The following PWWP3A variants were observed in gnomAD, a reference collection of about 807,000 sequenced individuals.
PWWP3A encodes the protein PWWP domain containing 3A, DNA repair factor, also known as PWWP domain-containing DNA repair factor 3A.
Under a neutral mutation model 79.0 loss-of-function variants are expected in PWWP3A, and 53 were observed. The observed-to-expected ratio is 0.67, with a 90% CI of 0.54 to 0.84. The LOEUF is 0.84. PWWP3A is among the 40% of genes least tolerant of loss of function. The pLI, the probability that PWWP3A is intolerant of heterozygous loss-of-function variation, is 0.00. For missense variants in PWWP3A, 973 were observed against 948.0 expected, an observed-to-expected ratio of 1.03 and a Z score of -0.35; for synonymous variants, 443 against 394.4, an observed-to-expected ratio of 1.12 and a Z score of -1.46.
In PWWP3A at chr19:1,360,948, G is replaced by T. The variant is rs747635453; in HGVS notation, c.1027G>T (p.Ala343Ser). The change falls in exon 5 of 14, where the codon GCC becomes TCC. Residue 343 changes from alanine to serine, a missense_variant. Ala to Ser is a moderately conservative substitution (Grantham distance 99). Transcript: ENST00000591337. The surrounding 1 kb of genome is among the most constrained non-coding windows in gnomAD (Gnocchi z 4.4). ...PRESVTPRST[A>S]RLGPPPSHAS... ...AGAGTCTGTGACCCCGCGCAGCACCGCCAGGCTGGGCCCGCCTCCCTCCCA... is the reference window on the plus strand; with the variant it reads ...AGAGTCTGTGACCCCGCGCAGCACCTCCAGGCTGGGCCCGCCTCCCTCCCA... The T allele has an allele frequency of 2.1e-5, 31 of 1,488,146 alleles. No homozygotes were observed. In the East Asian group the frequency reaches 7.3e-4, roughly 35 times the overall value. 92.2% of individuals were successfully genotyped at this position (1,488,146 alleles called of 1,614,324 possible). A position where few individuals can be genotyped will look rare whatever the true frequency, so the allele number is the denominator to read the frequency against.
Position 1,369,329 on chromosome 19 carries a change from G to A in PWWP3A, c.1487G>A (p.Arg496Lys). 6.2e-7 allele frequency: 1 copy of A among 1,613,832 alleles called. No homozygotes were observed. Among genetic ancestry groups the A allele is most frequent in the South Asian group, 1.1e-5 (1 of 91,056 alleles). ...GWCVSLITDY[R>K]VRLGCGSFAG... is the part of the protein sequence containing the mutation. ...TGTGTCTCCCTCATCACCGACTACA[G>A]GGTCCGGTTAGGTACGTGGGGTGCT... The change falls in exon 10 of 14, where the codon AGG becomes AAG. Residue 496 changes from arginine to lysine, a missense_variant. Physicochemically the swap from Arg to Lys is conservative, Grantham distance 26. Coordinates refer to ENST00000591337, the MANE Select transcript of PWWP3A (RefSeq NM_001369789.1). This position sits in a 1 kb window ranked among gnomAD's most constrained non-coding sequence, Gnocchi z 4.0.
intron 8 of PWWP3A, 81 bp from the exon 9 acceptor site, chr19:1,367,079 T>G (rs1181155407): frequency 8.5e-7 from 1 of 1,179,990 alleles, no homozygotes; most frequent in Non-Finnish European, 1.2e-6. Flanking sequence ...CCTCCACTGA[T>G]CTTAATCAGA....
In PWWP3A at chr19:1,369,107, C is replaced by T. The variant is rs1485830826; in HGVS notation, c.1423-158C>T. 2.2e-5 allele frequency: 14 copies of T among 640,158 alleles called. No individual in the cohort carries two copies. The highest frequency in any genetic ancestry group is 3.9e-4 in the Middle Eastern group (1 of 2,592). 39.7% of individuals were successfully genotyped at this position (640,158 alleles called of 1,614,324 possible). Reference sequence around the variant, plus strand: ...TTTACCAGAGGGTCCCTGTGCGAGGCGTCTGCCAGAGCCCCCTTTGTCAGG... The same window carrying T: ...TTTACCAGAGGGTCCCTGTGCGAGGTGTCTGCCAGAGCCCCCTTTGTCAGG... On this transcript the variant is annotated intron_variant, in intron 9 of 13. Transcript: ENST00000591337. The surrounding 1 kb of genome is among the most constrained non-coding windows in gnomAD (Gnocchi z 4.0).
chr19:1,363,112 G>A (rs1004593975), intron 6 of PWWP3A, among the ~76,000 whole-genome samples: 13 of 152,386 alleles, frequency 8.5e-5, no homozygotes, highest in Middle Eastern at 6.8e-3. Context: ...GGCAGCATCC[G>A]TAAGGCGCAG....
At chr19:1,365,291 C>T (rs1010553952) in intron 7 of PWWP3A, among the ~76,000 whole-genome samples, 36 of 152,214 alleles carry the variant, frequency 2.4e-4, no homozygotes, top group Admixed American at 1.9e-3. Flanking sequence ...GAGTTCAAGC[C>T]GGGGCAGATT....
Position 1,371,074 on chromosome 19 carries a change from C to A in PWWP3A, c.1982C>A (p.Pro661His). Residue 661 changes from proline (P) to histidine (H), a missense_variant, in exon 12 of 14, where the codon CCC becomes CAC. Pro to His is a moderately conservative substitution (Grantham distance 77, BLOSUM62 -2). Transcript: ENST00000591337. ...RIRFILDVLL[P>H]EAIICAISAV... Reference sequence around the variant, plus strand: ...CGGTTCATTCTGGACGTGCTTCTGCCCGAGGTGAGCCGCGGACCGGCGTGT... The same window carrying A: ...CGGTTCATTCTGGACGTGCTTCTGCACGAGGTGAGCCGCGGACCGGCGTGT... 6.4e-7 allele frequency: 1 copy of A among 1,559,202 alleles called. No individual in the cohort carries two copies. The highest frequency in any genetic ancestry group is 8.7e-7 in the Non-Finnish European group (1 of 1,151,136).
intron 3 of PWWP3A, 177 bp downstream of exon 3, chr19:1,357,271 G>A (rs2144689450): frequency 5.5e-6 from 3 of 546,438 alleles, no homozygotes; most frequent in Non-Finnish European, 9.7e-6. Flanking sequence ...TTGATTTTAT[G>A]TCAGTTTGGA....
At position 1,376,295 on chromosome 19, in the gene PWWP3A, G is replaced by GTTTTTTTTTTTTTTTTTT. The variant is rs754438911; in HGVS notation, c.2076-213_2076-212insTTTTTTTTTTTTTTTTTT. ...CATGCGCCACCACGCCCGGCTGTTT[G>GTTTTTTTTTTTTTTTTTT]TTTTTTTTTTTGTTTGTTTTTTTTT... On this transcript the variant is annotated intron_variant, in intron 13 of 13. Coordinates refer to ENST00000591337, the MANE Select transcript of PWWP3A (RefSeq NM_001369789.1). 8.7e-4 allele frequency among the ~76,000 whole-genome samples: 58 copies of GTTTTTTTTTTTTTTTTTT among 67,040 alleles called. 5 individuals are homozygous for GTTTTTTTTTTTTTTTTTT. Among genetic ancestry groups the GTTTTTTTTTTTTTTTTTT allele is most frequent in the Non-Finnish European group, 1.2e-3 (41 of 33,658 alleles). The allele number at this position is 67,040 out of a possible 152,430, so 44.0% of individuals were successfully genotyped here.
chr19:1,360,437 C>G lies in PWWP3A; in HGVS notation c.516C>G (p.Cys172Trp), dbSNP rs746625850. The G allele has an allele frequency of 3.1e-6, 5 of 1,614,152 alleles. No individual in the cohort carries two copies. In the Admixed American group the frequency reaches 8.3e-5, roughly 27 times the overall value. Residue 172 changes from cysteine (C) to tryptophan (W), a missense_variant, in exon 5 of 14, where the codon TGC becomes TGG. Transcript: ENST00000591337. The surrounding 1 kb of genome is among the most constrained non-coding windows in gnomAD (Gnocchi z 4.4). ...TCACTTGTGAAAAGGACCCCGAGTG[C>G]AAAGTGGACCACAAGAAGGGGCTCA... is the stretch of plus-strand genomic sequence containing the variant. ...SSFTCEKDPE[C>W]KVDHKKGLRK...
At position 1,356,327 on chromosome 19, in the gene PWWP3A, A is replaced by G. The variant is rs755368829; in HGVS notation, c.-66A>G. Reference sequence around the variant, plus strand: ...CACCGTGCAAATTTCGTTCCAGGACACATTGGCGTGAGACCTGGGAGTACG... The same window carrying G: ...CACCGTGCAAATTTCGTTCCAGGACGCATTGGCGTGAGACCTGGGAGTACG... On this transcript the variant is annotated 5_prime_UTR_variant, in exon 2 of 14. Coordinates refer to ENST00000591337, the MANE Select transcript of PWWP3A (RefSeq NM_001369789.1). 7.2e-6 allele frequency: 11 copies of G among 1,519,260 alleles called. No homozygotes were observed. The Admixed American group carries it at 1.5e-4, about 21-fold the overall frequency. The allele number at this position is 1,519,260 out of a possible 1,614,324, so 94.1% of individuals were successfully genotyped here. A position where few individuals can be genotyped will look rare whatever the true frequency, so the allele number is the denominator to read the frequency against.
At chr19:1,374,744 G>A (rs935999359) in intron 13 of PWWP3A, among the ~76,000 whole-genome samples, 15 of 151,948 alleles carry the variant, frequency 9.9e-5, no homozygotes, top group African/African-American at 3.4e-4. Flanking sequence ...ATACTCTTTC[G>A]TAAAAAATTA....
intron 3 of PWWP3A, chr19:1,358,189 G>GAA (rs77499352): frequency 2.7e-3 from 1,063 of 395,916 alleles, no homozygotes; most frequent in South Asian, 4.2e-3. Flanking sequence ...GTCTTAAAAG[G>GAA]AAAAAAAAAA....
Position 1,369,691 on chromosome 19 carries a change from C to T in PWWP3A, c.1549+45C>T, listed in dbSNP as rs1244716289. 6.2e-7 allele frequency: 1 copy of T among 1,601,422 alleles called. No individual in the cohort carries two copies. Among genetic ancestry groups the T allele is most frequent in the Non-Finnish European group, 8.6e-7 (1 of 1,168,360 alleles). Reference sequence around the variant, plus strand: ...TTGGAAAATGTGGTTTGCCTTTTAGCCCTTTAGAAAAACAATCTTCTATGT... The same window carrying T: ...TTGGAAAATGTGGTTTGCCTTTTAGTCCTTTAGAAAAACAATCTTCTATGT... On this transcript the variant is annotated intron_variant, in intron 11 of 13. Transcript: ENST00000591337. This position sits in a 1 kb window ranked among gnomAD's most constrained non-coding sequence, Gnocchi z 4.0.
rs1278190954 is a variant in PWWP3A at position 1,360,999 on chromosome 19, C to T, written c.1078C>T (p.Leu360Phe). The change falls in exon 5 of 14, where the codon CTT becomes TTT. Residue 360 changes from leucine to phenylalanine, a missense_variant. Coordinates refer to ENST00000591337, the MANE Select transcript of PWWP3A (RefSeq NM_001369789.1). This position sits in a 1 kb window ranked among gnomAD's most constrained non-coding sequence, Gnocchi z 4.4. The part of the protein sequence containing the change: ...SHASADATRC[L>F]PCPDSQKLEK... ...CGCCTCTGCGGATGCAACCAGATGT[C>T]TTCCTTGCCCGGATTCCCAGAAGCT... The T allele has an allele frequency of 1.4e-6, 2 of 1,435,368 alleles. No individual in the cohort carries two copies. The highest frequency in any genetic ancestry group is 3.0e-5 in the South Asian group (2 of 66,158). 88.9% of individuals were successfully genotyped at this position (1,435,368 alleles called of 1,614,324 possible).
In PWWP3A at chr19:1,360,940, G is replaced by C. The variant is rs565586522; in HGVS notation, c.1019G>C (p.Arg340Pro). Residue 340 changes from arginine (R) to proline (P), a missense_variant, in exon 5 of 14, where the codon CGC becomes CCC. Arg to Pro is a moderately radical substitution (Grantham distance 103). Transcript: ENST00000591337. The surrounding 1 kb of genome is among the most constrained non-coding windows in gnomAD (Gnocchi z 4.4). ...GPGPRESVTP[R>P]STARLGPPPS... is the part of the protein sequence containing the mutation. ...GGGCCCAGAGAGTCTGTGACCCCGC[G>C]CAGCACCGCCAGGCTGGGCCCGCCT... The C allele has an allele frequency of 6.6e-7, 1 of 1,513,778 alleles. No individual in the cohort carries two copies. Among genetic ancestry groups the C allele is most frequent in the Admixed American group, 2.3e-5 (1 of 43,804 alleles). 93.8% of individuals were successfully genotyped at this position (1,513,778 alleles called of 1,614,324 possible).
At position 1,370,691 on chromosome 19, in the gene PWWP3A, T is replaced by G; in HGVS notation, c.1599T>G (p.Leu533=). 1.4e-6 allele frequency: 2 copies of G among 1,455,396 alleles called. No homozygotes were observed. The highest frequency in any genetic ancestry group is 1.8e-6 in the Non-Finnish European group (2 of 1,102,008). The allele number at this position is 1,455,396 out of a possible 1,614,324, so 90.2% of individuals were successfully genotyped here. A position where few individuals can be genotyped will look rare whatever the true frequency, so the allele number is the denominator to read the frequency against. ...AGCAGGACGTCTTGGGGACCAAGCTTCCTCAACTGAGCAAGGGGAGCCCCG... is the reference window on the plus strand; with the variant it reads ...AGCAGGACGTCTTGGGGACCAAGCTGCCTCAACTGAGCAAGGGGAGCCCCG... The part of the protein sequence containing the change: ...SIQQDVLGTK[L]PQLSKGSPEE... Residue 533 remains leucine (L), a synonymous_variant, in exon 12 of 14, where the codon CTT becomes CTG. Coordinates refer to ENST00000591337, the MANE Select transcript of PWWP3A (RefSeq NM_001369789.1).
rs2081978450 is a variant in PWWP3A, at chr19:1,360,207, G to A, written c.286G>A (p.Asp96Asn). The A allele has an allele frequency of 6.2e-7, 1 of 1,613,100 alleles. No homozygotes were observed. The highest frequency in any genetic ancestry group is 8.5e-7 in the Non-Finnish European group (1 of 1,179,558). The part of the protein sequence containing the change: ...AYRRSLRVAL[D>N]VLSEGSIWSQ... The stretch of plus-strand genomic sequence containing the variant: ...CAGACGGTCGCTTCGCGTGGCTCTG[G>A]ACGTTCTGAGCGAGGGCTCGATTTG... Residue 96 changes from aspartate (D) to asparagine (N), a missense_variant, in exon 5 of 14, where the codon GAC becomes AAC. Transcript: ENST00000591337. The surrounding 1 kb of genome is among the most constrained non-coding windows in gnomAD (Gnocchi z 4.4).
chr19:1,371,487 GGATA>G, intron 12 of PWWP3A: 2 of 679,046 alleles, frequency 2.9e-6, no homozygotes, highest in Non-Finnish European at 5.4e-6. Context: ...AACTGTAAGT[GGATA>G]ATGCGCCTCA....
chr19:1,358,901 G>A (rs1206087171), intron 4 of PWWP3A: 1 of 383,244 alleles, frequency 2.6e-6, no homozygotes, highest in South Asian at 1.9e-5. Context: ...AAATTCCAGA[G>A]CAGAGCCCAA....
Sources: gnomAD v4.1 joint callset for allele counts (sites outside exome capture counted in the v4.1 genomes callset) on GRCh38, gnomAD v4.1.1 for gene constraint, Gnocchi (gnomAD v3.1) non-coding constraint, MANE v1.5 for transcripts, NCBI Gene and HGNC (gene_info 2026-07-23, HGNC 2026-07-21) for gene names.